Variants in EEF1AKMT1 observed in about 807,000 individuals in gnomAD.
EEF1AKMT1 encodes N-6 adenine-specific DNA methyltransferase 2 (putative).
In EEF1AKMT1, 18 loss-of-function variants were observed where a neutral mutation model predicts 21.0. The ratio of observed to expected loss-of-function variants is 0.86; its 90% confidence interval spans 0.59 to 1.27. The LOEUF (loss-of-function observed/expected upper bound fraction) is 1.27, where lower values mean the gene tolerates loss of function less well. Ranked by LOEUF, EEF1AKMT1 falls within the 50% of genes most tolerant of loss-of-function variation. The pLI is 0.00. For synonymous variants in EEF1AKMT1, 109 were observed against 94.8 expected (o/e 1.15, Z -0.87); for missense variants, 246 against 258.6 (o/e 0.95, Z 0.33).
intron 1 of EEF1AKMT1, among the ~76,000 whole-genome samples, chr13:20,760,421 G>C (rs1194701229): frequency 2.0e-5 from 3 of 152,132 alleles, no homozygotes; most frequent in Admixed American, 6.5e-5. Context: ...ATTATCCTAC[G>C]TGAATTAAAA....
chr13:20,743,674 T>TC (rs1382392820), intron 2 of EEF1AKMT1, among the ~76,000 whole-genome samples: 1 of 151,222 alleles, frequency 6.6e-6, no homozygotes, highest in Non-Finnish European at 1.5e-5. Flanking sequence ...TTTTTTTTTT[T>TC]CTCGTATTTT....
chr13:20,737,822 GGTTGA>G lies in EEF1AKMT1; in HGVS notation c.145-22_145-18del, dbSNP rs762950260. On this transcript the variant is annotated intron_variant, in intron 2 of 4. Transcript: ENST00000382758. ...GCTCAGTTGCTGTAACCGAGAAATAGGTTGATAGCATTTTAGAACTGGCATAAGCT... is the reference window on the plus strand; with the variant it reads ...GCTCAGTTGCTGTAACCGAGAAATAGTAGCATTTTAGAACTGGCATAAGCT... 1.3e-6 allele frequency: 2 copies of G among 1,590,272 alleles called. No individual in the cohort carries two copies. The highest frequency in any genetic ancestry group is 1.7e-6 in the Non-Finnish European group (2 of 1,161,788).
chr13:20,769,107 T>G (rs537961709), intron 1 of EEF1AKMT1: 1 of 152,290 alleles, frequency 6.6e-6, no homozygotes, highest in African/African-American at 2.4e-5. Flanking sequence ...GTCTGTGATA[T>G]GAGTTTTGTG....
intron 2 of EEF1AKMT1, among the ~76,000 whole-genome samples, chr13:20,739,582 G>A (rs993509226): frequency 1.5e-4 from 22 of 151,278 alleles, no homozygotes; most frequent in South Asian, 6.3e-4. Context: ...CTAGCTAGAC[G>A]TAAAAGTTCT....
chr13:20,748,732 T>G (rs1448108070), intron 2 of EEF1AKMT1, among the ~76,000 whole-genome samples: 25 of 131,714 alleles, frequency 1.9e-4, no homozygotes, highest in South Asian at 5.4e-4. Context: ...TTTGGTTTTT[T>G]TTTTTTTTTT....
chr13:20,752,537 T>C (rs890943907), intron 2 of EEF1AKMT1, among the ~76,000 whole-genome samples: 3 of 152,092 alleles, frequency 2.0e-5, no homozygotes, highest in East Asian at 1.9e-4. Context: ...TACTATTGGG[T>C]TCTATTTACT....
In EEF1AKMT1 at chr13:20,729,146, G is replaced by T; in HGVS notation, c.579C>A (p.Thr193=). 2.5e-6 allele frequency: 4 copies of T among 1,614,140 alleles called. No homozygotes were observed. Among genetic ancestry groups the T allele is most frequent in the Non-Finnish European group, 2.5e-6 (3 of 1,180,030 alleles). ...AGCGAAACTCATTTGCCAAGTTCCG[G>T]GTGTGTCTTGGAACAAACGTGCACA... The part of the protein sequence containing the change: ...VKMCTFVPRH[T]RNLANEFRCY... The change falls in exon 5 of 5, where the codon ACC becomes ACA. Residue 193 remains threonine, a synonymous_variant. Coordinates refer to ENST00000382758, the MANE Select transcript of EEF1AKMT1 (RefSeq NM_001318939.2).
Position 20,757,509 on chromosome 13 carries a change from T to G in EEF1AKMT1, c.90A>C (p.Gln30His). 1 of 1,614,166 alleles carries G rather than the reference T, an allele frequency of 6.2e-7. No homozygotes were observed. Among genetic ancestry groups the G allele is most frequent in the Non-Finnish European group, 8.5e-7 (1 of 1,180,024 alleles). The change falls in exon 2 of 5, where the codon CAA becomes CAC. Residue 30 changes from glutamine (Q) to histidine (H), a missense_variant. Coordinates refer to ENST00000382758, the MANE Select transcript of EEF1AKMT1 (RefSeq NM_001318939.2). ...ATTTATCATCCTCGCCTGGCTCAATTTGTTGCTTTTGCTCAGCATAAAATT... is the reference window on the plus strand; with the variant it reads ...ATTTATCATCCTCGCCTGGCTCAATGTGTTGCTTTTGCTCAGCATAAAATT... ...LQEFYAEQKQQIEPGEDDKYN... is the reference protein window; with the variant it reads ...LQEFYAEQKQHIEPGEDDKYN...
Position 20,731,574 on chromosome 13 carries a change from T to TA in EEF1AKMT1, c.508+266dup, listed in dbSNP as rs573186291. ...AAGATACCGATAGTATTGATGATGG[T>TA]ATGTAAAAGTAACAGCTGACATTCA... On this transcript the variant is annotated intron_variant, in intron 4 of 4. Coordinates refer to ENST00000382758, the MANE Select transcript of EEF1AKMT1 (RefSeq NM_001318939.2). Among the ~76,000 whole-genome samples, 87 of 152,322 alleles carry TA rather than the reference T, an allele frequency of 5.7e-4. 1 individual carries two copies. The highest frequency in any genetic ancestry group is 2.0e-3 in the African/African-American group (83 of 41,570).
At position 20,770,479 on chromosome 13, in the gene EEF1AKMT1, G is replaced by C. The variant is rs138938277; in HGVS notation, c.-20+3442C>G. Among the ~76,000 whole-genome samples the C allele has an allele frequency of 2.2e-4, 34 of 152,272 alleles. 1 individual carries two copies. In the East Asian group the frequency reaches 6.4e-3, roughly 28 times the overall value. On this transcript the variant is annotated intron_variant, in intron 1 of 4. Coordinates refer to ENST00000382758, the MANE Select transcript of EEF1AKMT1 (RefSeq NM_001318939.2). ...CAAATGCTTGAAATGAATAGTTCTA[G>C]TTTACTGCAATAAGCATAAGCACAA...
At position 20,736,090 on chromosome 13, in the gene EEF1AKMT1, G is replaced by C. The variant is rs117664769; in HGVS notation, c.227+1633C>G. On this transcript the variant is annotated intron_variant, in intron 3 of 4. Coordinates refer to ENST00000382758, the MANE Select transcript of EEF1AKMT1 (RefSeq NM_001318939.2). ...ATAATTTTCTTAAACTGAAGGACAT[G>C]TGTGTTGAGGATGAATGGGCCCTCT... Among the ~76,000 whole-genome samples the C allele has an allele frequency of 6.7e-3, 1,023 of 152,322 alleles. 16 individuals carry two copies. The highest frequency in any genetic ancestry group is 5.6e-3 in the Non-Finnish European group (383 of 68,030).
intron 3 of EEF1AKMT1, among the ~76,000 whole-genome samples, chr13:20,735,290 T>C (rs1356568108): frequency 6.7e-6 from 1 of 149,604 alleles, no homozygotes; most frequent in Admixed American, 6.8e-5. Flanking sequence ...TAAGAAGCAA[T>C]TCATTCTCAG....
intron 1 of EEF1AKMT1, among the ~76,000 whole-genome samples, chr13:20,770,361 T>C (rs1377232389): frequency 1.3e-5 from 2 of 152,156 alleles, no homozygotes; most frequent in Non-Finnish European, 2.9e-5. Flanking sequence ...TGAAAAGTGA[T>C]GGATTATCTA....
At chr13:20,741,494 G>C (rs1157612762) in intron 2 of EEF1AKMT1, among the ~76,000 whole-genome samples, 1 of 118,414 alleles carries the variant, frequency 8.4e-6, no homozygotes, top group East Asian at 2.4e-4. Context: ...GTCTTGCTCT[G>C]TCGCCAGGCT....
chr13:20,748,113 C>T (rs2480435), intron 2 of EEF1AKMT1: 156,510 of 157,166 alleles, frequency 1, 77,934 homozygotes, highest in East Asian at 1. Flanking sequence ...AGAACCCTGC[C>T]CTTAATATGT....
At chr13:20,732,876 A>T in intron 3 of EEF1AKMT1, among the ~76,000 whole-genome samples, 1 of 141,762 alleles carries the variant, frequency 7.1e-6, no homozygotes, top group East Asian at 1.9e-4. Flanking sequence ...AACTCACTCC[A>T]GTTTTCCATA....
intron 3 of EEF1AKMT1, among the ~76,000 whole-genome samples, chr13:20,736,523 G>T (rs1037206652): frequency 2.0e-5 from 3 of 152,074 alleles, no homozygotes; most frequent in Non-Finnish European, 4.4e-5. Context: ...CCAGCATGAT[G>T]ATGAAGGGCG....
chr13:20,732,135 T>C lies in EEF1AKMT1; in HGVS notation c.228-14A>G. 1 of 1,598,822 alleles carries C rather than the reference T, an allele frequency of 6.3e-7. No homozygotes were observed. Among genetic ancestry groups the C allele is most frequent in the Non-Finnish European group, 8.5e-7 (1 of 1,173,010 alleles). On this transcript the variant is annotated splice_polypyrimidine_tract_variant and intron_variant, in intron 3 of 4. Coordinates refer to ENST00000382758, the MANE Select transcript of EEF1AKMT1 (RefSeq NM_001318939.2). ...ACACATGCGATTCTAGGAGACAAAATGAACACACCATGAAACATCCTTAAC... is the reference window on the plus strand; with the variant it reads ...ACACATGCGATTCTAGGAGACAAAACGAACACACCATGAAACATCCTTAAC...
At chr13:20,733,870 C>A (rs974564845) in intron 3 of EEF1AKMT1, among the ~76,000 whole-genome samples, 1 of 152,210 alleles carries the variant, frequency 6.6e-6, no homozygotes, top group African/African-American at 2.4e-5. Context: ...AAATGTGTGA[C>A]GCATTTCCAA....
Sources: allele counts gnomAD v4.1 joint callset (sites outside exome capture counted in the v4.1 genomes callset), GRCh38; gene constraint gnomAD v4.1.1; transcripts MANE v1.5; gene names NCBI Gene and HGNC (gene_info 2026-07-23, HGNC 2026-07-21).